The following CRYBG3 variants were observed in gnomAD, a reference collection of about 807,000 sequenced individuals.
CRYBG3 encodes very large A-kinase anchor protein.
A neutral mutation model predicts 244.2 loss-of-function variants in CRYBG3; 127 were observed. That is an observed-to-expected ratio of 0.52 (90% confidence interval 0.45 to 0.60). CRYBG3 has a LOEUF of 0.60. CRYBG3 is among the 20% of genes least tolerant of loss of function. The pLI, the probability that CRYBG3 is intolerant of heterozygous loss-of-function variation, is 0.00. For synonymous variants in CRYBG3, 1,132 were observed against 1,195.8 expected (o/e 0.95, Z 1.10); for missense variants, 3,325 against 3,442.5 (o/e 0.97, Z 0.85).
At position 97,943,485 on chromosome 3, in the gene CRYBG3, C is replaced by A; in HGVS notation, c.*171C>A. On this transcript the variant is annotated 3_prime_UTR_variant, in exon 22 of 22. Transcript: ENST00000389622. ...TATCGCTCTTAACCATGGAAAAGCT[C>A]AAAATATTCTTGCCATTACTCAGTG... 1.8e-6 allele frequency: 1 copy of A among 566,400 alleles called. No individual in the cohort carries two copies. Among genetic ancestry groups the A allele is most frequent in the South Asian group, 2.3e-5 (1 of 44,244 alleles). The allele number at this position is 566,400 out of a possible 1,614,324, so 35.1% of individuals were successfully genotyped here. A position where few individuals can be genotyped will look rare whatever the true frequency, so the allele number is the denominator to read the frequency against.
At chr3:97,836,646 T>G (rs2038737520) in intron 1 of CRYBG3, among the ~76,000 whole-genome samples, 1 of 152,130 alleles carries the variant, frequency 6.6e-6, no homozygotes. Context: ...CCAAGGGTAA[T>G]GTAGATCCCA....
rs1469699268 is a variant in CRYBG3, at chr3:97,873,061, A to G, written c.1867A>G (p.Thr623Ala). 5 of 1,533,826 alleles carry G rather than the reference A, an allele frequency of 3.3e-6. No individual in the cohort carries two copies. The highest frequency in any genetic ancestry group is 3.5e-6 in the Non-Finnish European group (4 of 1,146,280). Reference protein sequence around the residue: ...FELNRSHISETPLDSESPQQA... With the variant: ...FELNRSHISEAPLDSESPQQA... ...ACTTAATAGAAGTCACATTTCAGAA[A>G]CTCCTCTTGACTCTGAGAGTCCTCA... Residue 623 changes from threonine to alanine, a missense_variant, in exon 4 of 22, where the codon ACT becomes GCT. Around this residue, in one of 4 missense-constraint regions of CRYBG3, gnomAD observed 1,526 missense variants for 1,443.2 expected, o/e 1.06. Coordinates refer to ENST00000389622, the MANE Select transcript of CRYBG3 (RefSeq NM_153605.4).
intron 7 of CRYBG3, among the ~76,000 whole-genome samples, chr3:97,884,443 A>G (rs922794582): frequency 1.3e-5 from 2 of 152,124 alleles, no homozygotes; most frequent in Non-Finnish European, 2.9e-5. Flanking sequence ...AGAGACAAAT[A>G]TATTTTCTTA....
chr3:97,933,766 G>A lies in CRYBG3; in HGVS notation c.8314G>A (p.Ala2772Thr). 1.2e-6 allele frequency: 2 copies of A among 1,612,236 alleles called. No homozygotes were observed. The highest frequency in any genetic ancestry group is 1.7e-6 in the Non-Finnish European group (2 of 1,178,632). ...GGGAAGAGAGTTACATCTAGAAGAG[G>A]CTGTGAACTCTGTTCTGAACAAGGA... ...CEGRELHLEE[A>T]VNSVLNKDLH... Residue 2772 changes from alanine (A) to threonine (T), a missense_variant, in exon 18 of 22, where the codon GCT (alanine) becomes ACT (threonine). Physicochemically the swap from Ala to Thr is moderately conservative, Grantham distance 58 (BLOSUM62 0). Coordinates refer to ENST00000389622, the MANE Select transcript of CRYBG3 (RefSeq NM_153605.4).
At chr3:97,928,098 A>C (rs2107089532) in intron 17 of CRYBG3, among the ~76,000 whole-genome samples, 1 of 152,162 alleles carries the variant, frequency 6.6e-6, no homozygotes, top group Admixed American at 6.6e-5. Context: ...ACACATGCAC[A>C]TGTATATTCA....
chr3:97,900,979 C>T (rs1055472252), intron 15 of CRYBG3, among the ~76,000 whole-genome samples: 1 of 152,088 alleles, frequency 6.6e-6, no homozygotes, highest in East Asian at 1.9e-4. Flanking sequence ...TACTTTGGAG[C>T]CCAACATTTG....
Position 97,930,294 on chromosome 3 carries a change from T to C in CRYBG3, c.8242-3400T>C, listed in dbSNP as rs2040083668. Among the ~76,000 whole-genome samples, 4 of 152,126 alleles carry C rather than the reference T, an allele frequency of 2.6e-5. No homozygotes were observed. The South Asian group carries it at 8.3e-4, about 32-fold the overall frequency. On this transcript the variant is annotated intron_variant, in intron 17 of 21. Coordinates refer to ENST00000389622, the MANE Select transcript of CRYBG3 (RefSeq NM_153605.4). ...TAATCAGTAACTCAACAAGTAGATG[T>C]GTGTAAAAAGGTAAAGTGGAATACT...
At chr3:97,834,999 G>T (rs2038712210) in intron 1 of CRYBG3, among the ~76,000 whole-genome samples, 1 of 152,100 alleles carries the variant, frequency 6.6e-6, no homozygotes, top group African/African-American at 2.4e-5. Flanking sequence ...TTCCCTATGG[G>T]TGTGTCTAAA....
chr3:97,856,820 G>T (rs1479734331), intron 2 of CRYBG3, among the ~76,000 whole-genome samples: 4 of 151,698 alleles, frequency 2.6e-5, no homozygotes, highest in African/African-American at 9.7e-5. Flanking sequence ...TCTGACTAAT[G>T]GTTTATTAAT....
chr3:97,892,756 T>A, intron 10 of CRYBG3, 104 bp from the exon 11 acceptor site: 3 of 559,054 alleles, frequency 5.4e-6, no homozygotes, highest in Non-Finnish European at 8.9e-6. Context: ...TCATATTAAT[T>A]AAAAAAAAAT....
chr3:97,920,892 CT>C (rs2039977265), intron 17 of CRYBG3, among the ~76,000 whole-genome samples: 1 of 152,052 alleles, frequency 6.6e-6, no homozygotes, highest in African/African-American at 2.4e-5. Flanking sequence ...AGTTTAGAGC[CT>C]CATTCTGTCT....
In CRYBG3 at chr3:97,874,727, A is replaced by G. The variant is rs1171894638; in HGVS notation, c.3533A>G (p.His1178Arg). The change falls in exon 4 of 22, where the codon CAC (histidine) becomes CGC (arginine). Residue 1178 changes from histidine to arginine, a missense_variant. By Grantham distance (29) the His-to-Arg change is conservative (BLOSUM62 0). Transcript: ENST00000389622. The part of the protein sequence containing the change: ...GQQCSEASAE[H>R]IEARRRAHDQ... ...CAGTGTTCTGAAGCCTCTGCTGAGC[A>G]CATAGAAGCCAGGAGAAGAGCACAT... is the stretch of plus-strand genomic sequence containing the variant. 4 of 1,535,780 alleles carry G rather than the reference A, an allele frequency of 2.6e-6. No homozygotes were observed. The highest frequency in any genetic ancestry group is 2.7e-5 in the African/African-American group (2 of 73,042).
At chr3:97,834,082 ACCT>A (rs1240787900) in intron 1 of CRYBG3, among the ~76,000 whole-genome samples, 4 of 151,958 alleles carry the variant, frequency 2.6e-5, no homozygotes, top group Admixed American at 2.6e-4. Flanking sequence ...TGACCCAAAC[ACCT>A]CCTATTGGGC....
At chr3:97,906,172 G>A (rs1326925137) in intron 15 of CRYBG3, among the ~76,000 whole-genome samples, 1 of 139,206 alleles carries the variant, frequency 7.2e-6, no homozygotes, top group African/African-American at 3.2e-5. Flanking sequence ...TTGAAGTCAG[G>A]TAGTGTGATG....
chr3:97,928,029 C>A (rs535910085), intron 17 of CRYBG3, among the ~76,000 whole-genome samples: 8 of 152,068 alleles, frequency 5.3e-5, no homozygotes, highest in Admixed American at 4.6e-4. Flanking sequence ...TACCATTTGA[C>A]CTAGCAATTC....
intron 3 of CRYBG3, among the ~76,000 whole-genome samples, chr3:97,867,459 C>A (rs2039248429): frequency 6.6e-6 from 1 of 152,114 alleles, no homozygotes; most frequent in African/African-American, 2.4e-5. Context: ...TGATACATGT[C>A]TTTGGTTGAC....
chr3:97,871,990 A>G lies in CRYBG3; in HGVS notation c.796A>G (p.Asn266Asp). The stretch of plus-strand genomic sequence containing the variant: ...AAATGAAAGTTCTGACTCTAGTACA[A>G]ACAGACACATTGACCCTGGAAGTGA... ...RENESSDSST[N>D]RHIDPGSEIE... Residue 266 changes from asparagine to aspartate, a missense_variant, in exon 4 of 22, where the codon AAC (asparagine) becomes GAC (aspartate). By Grantham distance (23) the Asn-to-Asp change is conservative. Around this residue, in one of 4 missense-constraint regions of CRYBG3, gnomAD observed 1,526 missense variants for 1,443.2 expected, o/e 1.06. Coordinates refer to ENST00000389622, the MANE Select transcript of CRYBG3 (RefSeq NM_153605.4). The G allele has an allele frequency of 6.5e-7, 1 of 1,535,938 alleles. No homozygotes were observed.
Position 97,873,705 on chromosome 3 carries a change from C to T in CRYBG3, c.2511C>T (p.Ser837=), listed in dbSNP as rs951984384. 2.0e-6 allele frequency: 3 copies of T among 1,535,904 alleles called. No homozygotes were observed. The change falls in exon 4 of 22, where the codon TCC becomes TCT. Residue 837 remains serine, a synonymous_variant. Transcript: ENST00000389622. Reference sequence around the variant, plus strand: ...ATTCTGGAAGAGGAAAAACTATATCCTTGTCCAAGGTATCTCTTTCAAAAG... The same window carrying T: ...ATTCTGGAAGAGGAAAAACTATATCTTTGTCCAAGGTATCTCTTTCAAAAG... The part of the protein sequence containing the change: ...ESHSGRGKTI[S]LSKVSLSKVE...
At position 97,829,404 on chromosome 3, in the gene CRYBG3, C is replaced by T. The variant is rs550079090; in HGVS notation, c.149+7049C>T. On this transcript the variant is annotated intron_variant, in intron 1 of 21. Coordinates refer to ENST00000389622, the MANE Select transcript of CRYBG3 (RefSeq NM_153605.4). Reference sequence around the variant, plus strand: ...AACTCATTTTTACGTGCTCACCTGTCACCCACCTTGACCTCTCCAGTATGA... The same window carrying T: ...AACTCATTTTTACGTGCTCACCTGTTACCCACCTTGACCTCTCCAGTATGA... 2.3e-4 allele frequency among the ~76,000 whole-genome samples: 35 copies of T among 152,264 alleles called. No homozygotes were observed. In the South Asian group the frequency reaches 7.3e-3, roughly 32 times the overall value.
Sources: gnomAD v4.1 joint callset for allele counts (sites outside exome capture counted in the v4.1 genomes callset) on GRCh38, gnomAD v4.1.1 for gene constraint, gnomAD v4.1.1 regional missense constraint, MANE v1.5 for transcripts, NCBI Gene and HGNC (gene_info 2026-07-23, HGNC 2026-07-21) for gene names.